Variants in ASPRV1 observed in about 807,000 individuals in gnomAD.
ASPRV1 encodes retroviral-like aspartic protease 1.
In ASPRV1, 7 loss-of-function variants were observed where a neutral mutation model predicts 11.0. That is an observed-to-expected ratio of 0.64 (90% CI 0.36 to 1.20). The LOEUF (loss-of-function observed/expected upper bound fraction) is 1.20. Among genes scored for constraint, ASPRV1 ranks in the 50% most tolerant of loss-of-function variants. ASPRV1 has a pLI of 0.02. For missense variants in ASPRV1, 299 were observed against 320.0 expected, an observed-to-expected ratio of 0.93 and a Z score of 0.50; for synonymous variants, 136 against 138.4, an observed-to-expected ratio of 0.98 and a Z score of 0.12.
At chr2:69,986,990 T>C in the ASPRV1 span, among the ~76,000 whole-genome samples, 10 of 152,160 alleles carry the variant, frequency 6.6e-5, no homozygotes, top group South Asian at 2.1e-3. Context: ...CTTAGAACTG[T>C]GGAGAAAGCC....
the ASPRV1 span, among the ~76,000 whole-genome samples, chr2:69,983,537 CCCAG>C: frequency 6.6e-6 from 1 of 152,084 alleles, no homozygotes. Flanking sequence ...CCTGCTCGGG[CCCAG>C]CTAGGCTGAG....
At chr2:69,938,550 C>G in the ASPRV1 span, 25 of 403,498 alleles carry the variant, frequency 6.2e-5, no homozygotes, top group South Asian at 6.3e-4. Context: ...ATTCTTAGAC[C>G]GAATAAGCAA....
chr2:70,079,103 AGAG>A, the ASPRV1 span, among the ~76,000 whole-genome samples: 1 of 152,182 alleles, frequency 6.6e-6, no homozygotes, highest in East Asian at 1.9e-4. Context: ...TGCAGATTTG[AGAG>A]GAGATGTTCT....
At chr2:69,973,876 T>A in the ASPRV1 span, among the ~76,000 whole-genome samples, 4 of 152,336 alleles carry the variant, frequency 2.6e-5, no homozygotes, top group African/African-American at 9.6e-5. Flanking sequence ...TTGTGGTGGT[T>A]GCTGCCCACT....
the ASPRV1 span, among the ~76,000 whole-genome samples, chr2:70,007,303 A>AACCAACAT: frequency 2.0e-5 from 3 of 152,136 alleles, no homozygotes; most frequent in South Asian, 6.2e-4. Context: ...GGATCACCTG[A>AACCAACAT]GGTCAGGAGT....
chr2:70,054,440 C>T, the ASPRV1 span, among the ~76,000 whole-genome samples: 7 of 151,438 alleles, frequency 4.6e-5, no homozygotes, highest in Non-Finnish European at 8.8e-5. Flanking sequence ...ATTAGCCCGG[C>T]GCGGTGGCAG....
the ASPRV1 span, among the ~76,000 whole-genome samples, chr2:69,985,981 G>A: frequency 6.6e-6 from 1 of 152,172 alleles, no homozygotes; most frequent in Non-Finnish European, 1.5e-5. Context: ...AGTTTGGAAT[G>A]GCCAGACTTA....
the ASPRV1 span, among the ~76,000 whole-genome samples, chr2:69,972,213 C>T: frequency 6.6e-6 from 1 of 151,764 alleles, no homozygotes; most frequent in African/African-American, 2.4e-5. Context: ...AGGCGCCCAC[C>T]ACCACGCCTG....
the ASPRV1 span, chr2:70,031,837 T>C: frequency 2.6e-5 from 4 of 152,320 alleles, no homozygotes; most frequent in African/African-American, 9.6e-5. Flanking sequence ...CAGCTTTTAC[T>C]TATGCTTGTT....
the ASPRV1 span, among the ~76,000 whole-genome samples, chr2:69,988,189 G>A: frequency 1.2e-4 from 19 of 152,194 alleles, no homozygotes; most frequent in African/African-American, 4.1e-4. Flanking sequence ...ACTGAAAGCA[G>A]GGATTCAAAC....
chr2:70,077,727 C>T, the ASPRV1 span, among the ~76,000 whole-genome samples: 1 of 151,912 alleles, frequency 6.6e-6, no homozygotes, highest in Non-Finnish European at 1.5e-5. Context: ...TGGTGGCGTC[C>T]GCCTGCTGTC....
chr2:70,059,931 AT>A, the ASPRV1 span: 1 of 152,260 alleles, frequency 6.6e-6, no homozygotes, highest in Non-Finnish European at 1.5e-5. Flanking sequence ...CCTGTTCCTA[AT>A]GAGCCACAGA....
chr2:69,971,047 A>G, the ASPRV1 span: 2 of 152,160 alleles, frequency 1.3e-5, no homozygotes, highest in African/African-American at 4.8e-5. Context: ...GGCACCTGCA[A>G]TCCCAGCTAC....
chr2:69,954,697 T>A, the ASPRV1 span, among the ~76,000 whole-genome samples: 1 of 152,154 alleles, frequency 6.6e-6, no homozygotes, highest in Admixed American at 6.5e-5. Flanking sequence ...GAAACATCCA[T>A]TCATTCATCT....
At chr2:70,078,626 A>G in the ASPRV1 span, among the ~76,000 whole-genome samples, 1 of 152,214 alleles carries the variant, frequency 6.6e-6, no homozygotes, top group Non-Finnish European at 1.5e-5. Flanking sequence ...GGCATGCTGG[A>G]GCAACTGCAA....
the ASPRV1 span, chr2:70,081,563 G>C: frequency 6.6e-6 from 1 of 151,902 alleles, no homozygotes; most frequent in Non-Finnish European, 1.5e-5. Flanking sequence ...CAGGGGAAAG[G>C]CTCTCTCAAT....
chr2:69,948,184 G>A, the ASPRV1 span, among the ~76,000 whole-genome samples: 67 of 152,222 alleles, frequency 4.4e-4, no homozygotes, highest in African/African-American at 1.4e-3. Flanking sequence ...GGAGGTGGAG[G>A]CTGCAGTGAG....
chr2:69,935,636 C>T, the ASPRV1 span, among the ~76,000 whole-genome samples: 1 of 152,152 alleles, frequency 6.6e-6, no homozygotes, highest in African/African-American at 2.4e-5. Flanking sequence ...GTTTCTCACT[C>T]CCATGCACCA....
At chr2:70,076,064 T>C in the ASPRV1 span, among the ~76,000 whole-genome samples, 1 of 151,686 alleles carries the variant, frequency 6.6e-6, no homozygotes, top group African/African-American at 2.4e-5. Context: ...ATAACTAACC[T>C]ATCATTCATG....
Sources: allele counts gnomAD v4.1 joint callset (sites outside exome capture counted in the v4.1 genomes callset), GRCh38; gene constraint gnomAD v4.1.1; transcripts MANE v1.5; gene names NCBI Gene and HGNC (gene_info 2026-07-23, HGNC 2026-07-21).